The following ERBB2 variants were observed in gnomAD, a reference collection of about 807,000 sequenced individuals.
ERBB2 encodes receptor tyrosine-protein kinase erbB-2.
In ERBB2, 61 loss-of-function variants were observed where a neutral mutation model predicts 149.0. The ratio of observed to expected loss-of-function variants is 0.41; its 90% CI spans 0.33 to 0.51. The LOEUF (loss-of-function observed/expected upper bound fraction) is 0.51. Among genes scored for constraint, ERBB2 ranks in the 20% least tolerant of loss-of-function variants. The probability of loss-of-function intolerance (pLI) is 0.25; values close to 1 mark genes in which losing one functional copy is unlikely to be tolerated. For missense variants in ERBB2, 1,205 were observed against 1,655.1 expected (o/e 0.73, Z 4.72); for synonymous variants, 633 against 678.8 (o/e 0.93, Z 1.05).
At chr17:39,714,005 T>C (rs1458723696) in intron 9 of ERBB2, among the ~76,000 whole-genome samples, 2 of 147,876 alleles carry the variant, frequency 1.4e-5, no homozygotes, top group Non-Finnish European at 3.0e-5. Flanking sequence ...TTGCAGTGGG[T>C]TGAAATCATG....
At position 39,711,948 on chromosome 17, in the gene ERBB2, G is replaced by T; in HGVS notation, c.922G>T (p.Val308Leu). 6.2e-7 allele frequency: 1 copy of T among 1,614,102 alleles called. No homozygotes were observed. Among genetic ancestry groups the T allele is most frequent in the African/African-American group, 1.3e-5 (1 of 75,040 alleles). ...ACPYNYLSTD[V>L]GSCTLVCPLH... ...CTTAGACAACTACCTTTCTACGGAC[G>T]TGGGATCCTGCACCCTCGTCTGCCC... is the stretch of plus-strand genomic sequence containing the variant. Residue 308 changes from valine to leucine, a missense_variant, in exon 8 of 27, where the codon GTG becomes TTG. By Grantham distance (32) the Val-to-Leu change is conservative. Transcript: ENST00000269571.
chr17:39,701,379 T>C (rs549909379), intron 1 of ERBB2, among the ~76,000 whole-genome samples: 121 of 152,176 alleles, frequency 8.0e-4, no homozygotes, highest in African/African-American at 2.9e-3. Context: ...GGGGTCAAGA[T>C]GGGACCCCAG....
chr17:39,707,408 T>TACGG, intron 2 of ERBB2: 1 of 364,240 alleles, frequency 2.7e-6, no homozygotes, highest in Admixed American at 4.8e-5. Context: ...GCCAGCATGA[T>TACGG]CATGTCCCCT....
chr17:39,716,639 G>C, intron 14 of ERBB2, 34 bp downstream of exon 14: 1 of 1,594,984 alleles, frequency 6.3e-7, no homozygotes, highest in East Asian at 2.2e-5. Flanking sequence ...CTGGGTGGAG[G>C]GGGGCAGCGA....
At chr17:39,694,273 G>GTA (rs1210055293), upstream of ERBB2, among the ~76,000 whole-genome samples, 557 of 25,482 alleles carry the variant, frequency 0.022, 20 homozygotes, top group African/African-American at 0.052. Context: ...ATATATGTGT[G>GTA]TATATATATA....
chr17:39,703,246 T>C (rs961287267), intron 1 of ERBB2: 2 of 151,878 alleles, frequency 1.3e-5, no homozygotes, highest in Non-Finnish European at 2.9e-5. Context: ...GAGGGGCCAG[T>C]GTGGGGCTGC....
At chr17:39,698,231 T>C (rs2057914236), upstream of ERBB2, among the ~76,000 whole-genome samples, 1 of 151,852 alleles carries the variant, frequency 6.6e-6, no homozygotes, top group Non-Finnish European at 1.5e-5. Context: ...TTGCCCAAGG[T>C]GACATGACTG....
At chr17:39,693,824 C>T (rs1236801179), upstream of ERBB2, among the ~76,000 whole-genome samples, 1 of 149,988 alleles carries the variant, frequency 6.7e-6, no homozygotes, top group Non-Finnish European at 1.5e-5. Flanking sequence ...TGTGGTGGCT[C>T]ATGCCTGTAA....
At chr17:39,690,072 A>G (rs2057661625), upstream of ERBB2, among the ~76,000 whole-genome samples, 1 of 152,046 alleles carries the variant, frequency 6.6e-6, no homozygotes, top group South Asian at 2.1e-4. Flanking sequence ...TGCTACATTT[A>G]TATACATTTA....
At chr17:39,717,094 C>T (rs1424580651) in intron 14 of ERBB2, 2 of 495,880 alleles carry the variant, frequency 4.0e-6, no homozygotes, top group Non-Finnish European at 7.1e-6. Flanking sequence ...CTGGGTGCCT[C>T]CCATTTTCTG....
chr17:39,727,125 C>A lies in ERBB2; in HGVS notation c.3159+122C>A. 8.0e-7 allele frequency: 1 copy of A among 1,245,304 alleles called. No individual in the cohort carries two copies. Among genetic ancestry groups the A allele is most frequent in the Non-Finnish European group, 1.1e-6 (1 of 894,786 alleles). 77.1% of individuals were successfully genotyped at this position (1,245,304 alleles called of 1,614,324 possible). ...TCTCAAGGAAACCCCATTATCCCTACAAAAAATTCTTACTGCCTTCCAACC... is the reference window on the plus strand; with the variant it reads ...TCTCAAGGAAACCCCATTATCCCTAAAAAAAATTCTTACTGCCTTCCAACC... On this transcript the variant is annotated intron_variant, in intron 25 of 26. Coordinates refer to ENST00000269571, the MANE Select transcript of ERBB2 (RefSeq NM_004448.4). This position sits in a 1 kb window ranked among gnomAD's most constrained non-coding sequence, Gnocchi z 4.3.
At chr17:39,717,790 A>AACACACACAT (rs139231479) in intron 15 of ERBB2, 6 of 171,296 alleles carry the variant, frequency 3.5e-5, no homozygotes, top group African/African-American at 1.5e-4. Flanking sequence ...TGCACATTTT[A>AACACACACAT]ACACACACAC....
At chr17:39,691,944 T>TAAAC, upstream of ERBB2, among the ~76,000 whole-genome samples, 1 of 141,954 alleles carries the variant, frequency 7.0e-6, no homozygotes, top group South Asian at 2.1e-4. Flanking sequence ...CATATATATA[T>TAAAC]ATATATATAT....
upstream of ERBB2, among the ~76,000 whole-genome samples, chr17:39,691,928 CATATACATAT>C (rs1257843210): frequency 3.2e-5 from 3 of 93,648 alleles, no homozygotes; most frequent in African/African-American, 1.1e-4. Flanking sequence ...TATACATATA[CATATACATAT>C]ATATATATAT....
chr17:39,701,623 G>GCAGGTCTA (rs1242771597), intron 1 of ERBB2, among the ~76,000 whole-genome samples: 2 of 152,128 alleles, frequency 1.3e-5, no homozygotes, highest in Non-Finnish European at 2.9e-5. Context: ...TGTTATCTCT[G>GCAGGTCTA]CAGGTCTACG....
intron 14 of ERBB2, chr17:39,716,852 G>A (rs905062374): frequency 3.6e-6 from 2 of 550,352 alleles, no homozygotes; most frequent in East Asian, 6.1e-5. Flanking sequence ...GCTGTGCTAG[G>A]GTGGTGAGCC....
At chr17:39,715,563 A>G (rs778400666) in intron 11 of ERBB2, 27 bp downstream of exon 11, 8 of 1,607,694 alleles carry the variant, frequency 5.0e-6, no homozygotes, top group East Asian at 2.2e-5. Context: ...AGGGGGCCTG[A>G]TGGGGAGGAG....
chr17:39,698,932 T>C (rs888219638), upstream of ERBB2, among the ~76,000 whole-genome samples: 3 of 150,790 alleles, frequency 2.0e-5, no homozygotes, highest in Non-Finnish European at 4.4e-5. Flanking sequence ...AGTATAAATA[T>C]GTCCCATGCA....
chr17:39,690,680 C>A (rs535745205), upstream of ERBB2, among the ~76,000 whole-genome samples: 1 of 152,270 alleles, frequency 6.6e-6, no homozygotes, highest in East Asian at 1.9e-4. Context: ...TAGCCTGGAG[C>A]CCCTAGTTCT....
Sources: allele counts gnomAD v4.1 joint callset (sites outside exome capture counted in the v4.1 genomes callset), GRCh38; gene constraint gnomAD v4.1.1; non-coding constraint Gnocchi (gnomAD v3.1); transcripts MANE v1.5; gene names NCBI Gene and HGNC (gene_info 2026-07-23, HGNC 2026-07-21).